The following KDM1A variants were observed in gnomAD, a reference collection of about 807,000 sequenced individuals.
KDM1A encodes lysine demethylase 1A, also known as lysine-specific histone demethylase 1A.
KDM1A carries 49 observed loss-of-function variants against 109.4 expected under a neutral mutation model. The ratio of observed to expected loss-of-function variants is 0.45; its 90% CI spans 0.36 to 0.57. The LOEUF is 0.57. KDM1A is among the 20% of genes least tolerant of loss of function. KDM1A has a pLI of 0.00. For missense variants in KDM1A, 668 were observed against 1,116.6 expected, an observed-to-expected ratio of 0.60 and a Z score of 5.73; for synonymous variants, 380 against 415.4, an observed-to-expected ratio of 0.91 and a Z score of 1.04.
intron 7 of KDM1A, among the ~76,000 whole-genome samples, chr1:23,057,024 T>C (rs1442826645): frequency 7.2e-5 from 11 of 152,114 alleles, no homozygotes; most frequent in Admixed American, 7.2e-4. Flanking sequence ...AGAAAAATTA[T>C]CCATCAGATT....
At chr1:23,066,462 C>T (rs931388068) in intron 10 of KDM1A, among the ~76,000 whole-genome samples, 1 of 152,178 alleles carries the variant, frequency 6.6e-6, no homozygotes, top group Non-Finnish European at 1.5e-5. Context: ...TCAGTATGAA[C>T]TTCCCTTTGT....
intron 1 of KDM1A, among the ~76,000 whole-genome samples, chr1:23,025,348 G>A (rs1030220138): frequency 1.0e-5 from 1 of 96,846 alleles, no homozygotes; most frequent in Non-Finnish European, 2.1e-5. Context: ...TTTTTTTTTT[G>A]AGATGAAGTC....
chr1:23,029,398 A>G (rs1167777206), intron 1 of KDM1A, among the ~76,000 whole-genome samples: 2 of 152,208 alleles, frequency 1.3e-5, no homozygotes, highest in Admixed American at 6.5e-5. Context: ...GGAAGTCACA[A>G]TGATGATTTG....
At chr1:23,037,005 T>C (rs1642165642) in intron 2 of KDM1A, among the ~76,000 whole-genome samples, 1 of 151,984 alleles carries the variant, frequency 6.6e-6, no homozygotes, top group African/African-American at 2.4e-5. Context: ...AGTGGCCTGG[T>C]GTGGTGCATG....
intron 1 of KDM1A, 55 bp downstream of exon 1, chr1:23,020,002 G>C: frequency 7.1e-7 from 1 of 1,403,192 alleles, no homozygotes; most frequent in Non-Finnish European, 9.3e-7. Flanking sequence ...CTTCCCCGAG[G>C]CTTCTCCGCC....
chr1:23,051,061 C>T (rs1249380046), intron 4 of KDM1A, among the ~76,000 whole-genome samples: 2 of 152,142 alleles, frequency 1.3e-5, no homozygotes, highest in Non-Finnish European at 2.9e-5. Flanking sequence ...CTCCATCCAG[C>T]CTGGGCAACA....
rs531945428 is a variant in KDM1A at position 23,059,253 on chromosome 1, A to G, written c.1167+86A>G. 2.6e-5 allele frequency: 22 copies of G among 845,852 alleles called. No individual in the cohort carries two copies. The South Asian group carries it at 2.6e-4, about 10-fold the overall frequency. The allele number at this position is 845,852 out of a possible 1,614,324, so 52.4% of individuals were successfully genotyped here. On this transcript the variant is annotated intron_variant, in intron 9 of 20. Transcript: ENST00000400181. Reference sequence around the variant, plus strand: ...GAGAATGGTATGGATGAGCATATACATATATACACATATAGAGGTGTATAT... The same window carrying G: ...GAGAATGGTATGGATGAGCATATACGTATATACACATATAGAGGTGTATAT...
At chr1:23,059,354 T>G in intron 9 of KDM1A, 187 bp downstream of exon 9, 1 of 682,870 alleles carries the variant, frequency 1.5e-6, no homozygotes, top group Non-Finnish European at 2.7e-6. Context: ...TAGGAAAGGA[T>G]TATTGTATAT....
chr1:23,054,158 C>G (rs758626677), intron 5 of KDM1A, among the ~76,000 whole-genome samples: 1 of 152,092 alleles, frequency 6.6e-6, no homozygotes. Flanking sequence ...AGACTTGGCA[C>G]CAACAATGTC....
At chr1:23,051,349 T>C (rs1167265114) in intron 4 of KDM1A, among the ~76,000 whole-genome samples, 1 of 152,212 alleles carries the variant, frequency 6.6e-6, no homozygotes, top group East Asian at 1.9e-4. Flanking sequence ...TATTATTTCC[T>C]TATGATAGAA....
intron 2 of KDM1A, among the ~76,000 whole-genome samples, chr1:23,031,431 C>G (rs1641976865): frequency 1.3e-5 from 2 of 152,064 alleles, no homozygotes; most frequent in South Asian, 4.1e-4. Context: ...AGCTTCAGAC[C>G]CACACACCTC....
At chr1:23,044,595 G>C in intron 3 of KDM1A, 109 bp downstream of exon 3, 1 of 900,282 alleles carries the variant, frequency 1.1e-6, no homozygotes, top group East Asian at 2.7e-5. Context: ...CAGAAGCGCA[G>C]GTGAAATTTA....
chr1:23,026,752 G>A (rs1304400863), intron 1 of KDM1A, among the ~76,000 whole-genome samples: 1 of 152,124 alleles, frequency 6.6e-6, no homozygotes, highest in Non-Finnish European at 1.5e-5. Flanking sequence ...TGTAATAAGG[G>A]TGGGGAGGAG....
At chr1:23,046,131 A>G (rs1364489063) in intron 3 of KDM1A, among the ~76,000 whole-genome samples, 1 of 152,190 alleles carries the variant, frequency 6.6e-6, no homozygotes, top group Non-Finnish European at 1.5e-5. Flanking sequence ...TGAAACCCAA[A>G]GAAGTTAAAT....
chr1:23,040,960 C>T (rs760337134), intron 2 of KDM1A, among the ~76,000 whole-genome samples: 6 of 152,130 alleles, frequency 3.9e-5, no homozygotes, highest in Non-Finnish European at 8.8e-5. Context: ...TGAATTTGCA[C>T]TCATGGAAAG....
In KDM1A at chr1:23,079,517, CCT is replaced by C. The variant is rs749560821; in HGVS notation, c.2056-35_2056-34del. 5.0e-5 allele frequency: 75 copies of C among 1,503,788 alleles called. No individual in the cohort carries two copies. Among genetic ancestry groups the C allele is most frequent in the Admixed American group, 1.0e-4 (6 of 57,462 alleles). The allele number at this position is 1,503,788 out of a possible 1,614,324, so 93.2% of individuals were successfully genotyped here. A position where few individuals can be genotyped will look rare whatever the true frequency, so the allele number is the denominator to read the frequency against. ...CTGTTGAAGCCAGTATTATCTGGCC[CCT>C]GTCACTGGCTCATGTGCTTCTTTCT... On this transcript the variant is annotated intron_variant, in intron 17 of 20. Transcript: ENST00000400181. This position sits in a 1 kb window ranked among gnomAD's most constrained non-coding sequence, Gnocchi z 5.6.
intron 20 of KDM1A, 168 bp downstream of exon 20, chr1:23,082,534 T>C (rs1643651370): frequency 3.0e-6 from 2 of 661,012 alleles, no homozygotes; most frequent in East Asian, 5.6e-5. Flanking sequence ...TTCTCATAAT[T>C]TGGTTTTGTA....
rs1643314342 is a variant in KDM1A at position 23,071,367 on chromosome 1, ATAC to A, written c.1548+9_1548+11del. Reference sequence around the variant, plus strand: ...CTGACCGCCCTATGCAAGGTGTGGTATACATACATGCCTAACTGGTTTTACTTG... The same window carrying A: ...CTGACCGCCCTATGCAAGGTGTGGTAATACATGCCTAACTGGTTTTACTTG... On this transcript the variant is annotated intron_variant, in intron 13 of 20. Coordinates refer to ENST00000400181, the MANE Select transcript of KDM1A (RefSeq NM_001009999.3). The A allele has an allele frequency of 6.3e-7, 1 of 1,592,560 alleles. No individual in the cohort carries two copies. The highest frequency in any genetic ancestry group is 8.5e-7 in the Non-Finnish European group (1 of 1,174,268).
chr1:23,044,375 T>G (rs1642442852), intron 2 of KDM1A, 52 bp from the exon 3 acceptor site: 2 of 1,553,670 alleles, frequency 1.3e-6, no homozygotes, highest in Non-Finnish European at 1.8e-6. Context: ...TGTCCAGATA[T>G]TATCCTAATT....
Sources: gnomAD v4.1 joint callset for allele counts (sites outside exome capture counted in the v4.1 genomes callset) on GRCh38, gnomAD v4.1.1 for gene constraint, Gnocchi (gnomAD v3.1) non-coding constraint, MANE v1.5 for transcripts, NCBI Gene and HGNC (gene_info 2026-07-23, HGNC 2026-07-21) for gene names.